The following BAZ1A variants were observed in gnomAD, a reference collection of about 807,000 sequenced individuals.
The protein encoded by BAZ1A is bromodomain adjacent to zinc finger domain 1A, also known as bromodomain adjacent to zinc finger domain protein 1A.
Under a neutral mutation model 185.2 loss-of-function variants are expected in BAZ1A, and 50 were observed. The observed-to-expected ratio is 0.27, with a 90% CI of 0.22 to 0.34. The LOEUF is 0.34. Ranked by LOEUF, BAZ1A falls within the 10% of genes least tolerant of loss-of-function variation. BAZ1A has a pLI of 1.00. For synonymous variants in BAZ1A, 571 were observed against 615.6 expected (o/e 0.93, Z 1.07); for missense variants, 1,356 against 1,839.9 (o/e 0.74, Z 4.81).
intron 7 of BAZ1A, among the ~76,000 whole-genome samples, chr14:34,801,905 CAAA>C (rs375668563): frequency 1.9e-4 from 22 of 113,188 alleles, no homozygotes; most frequent in Admixed American, 5.7e-4. Flanking sequence ...GACTCCATCT[CAAA>C]AAAAAAAAAA....
In BAZ1A at chr14:34,775,955, G is replaced by C; in HGVS notation, c.2797C>G (p.Leu933Val). The C allele has an allele frequency of 6.2e-7, 1 of 1,606,782 alleles. No homozygotes were observed. Among genetic ancestry groups the C allele is most frequent in the East Asian group, 2.2e-5 (1 of 44,742 alleles). The change falls in exon 18 of 27, where the codon CTA becomes GTA. Residue 933 changes from leucine to valine, a missense_variant. Transcript: ENST00000360310. ...AATTTCTCTTCAGAAAAACGGGCTA[G>C]CTGTGCACATATTCTGCTTTTCTCT... ...LQEKSRICAQ[L>V]ARFSEEKFHF...
At chr14:34,794,684 G>T (rs1337936209) in intron 11 of BAZ1A, 65 bp downstream of exon 11, 28 of 1,521,558 alleles carry the variant, frequency 1.8e-5, no homozygotes, top group African/African-American at 2.8e-5. Context: ...AAGGTGGCTT[G>T]TTTTTTTAAA....
At chr14:34,871,759 G>C (rs1323135540) in intron 2 of BAZ1A, among the ~76,000 whole-genome samples, 1 of 152,194 alleles carries the variant, frequency 6.6e-6, no homozygotes, top group African/African-American at 2.4e-5. Flanking sequence ...TGTAATTCCA[G>C]CTACTCGGGA....
At position 34,872,651 on chromosome 14, in the gene BAZ1A, G is replaced by T. The variant is rs1025554735; in HGVS notation, c.113+1841C>A. ...TGGAAGACAGATAGTTCTGGAATGC[G>T]AAAAATCTGTATTTCAGCAATTCAG... On this transcript the variant is annotated intron_variant, in intron 2 of 26. Coordinates refer to ENST00000360310, the MANE Select transcript of BAZ1A (RefSeq NM_013448.3). 2.0e-5 allele frequency among the ~76,000 whole-genome samples: 3 copies of T among 152,020 alleles called. No individual in the cohort carries two copies. The South Asian group carries it at 6.2e-4, about 31-fold the overall frequency.
chr14:34,761,141 G>A (rs1188678333), intron 24 of BAZ1A, among the ~76,000 whole-genome samples: 3 of 152,034 alleles, frequency 2.0e-5, no homozygotes, highest in African/African-American at 7.2e-5. Flanking sequence ...AGCCCGGTGT[G>A]ATGGTGCATA....
chr14:34,798,112 C>T (rs113952098), intron 9 of BAZ1A, among the ~76,000 whole-genome samples: 9,649 of 152,340 alleles, frequency 0.063, 412 homozygotes, highest in Non-Finnish European at 0.098. Context: ...AGTAGCCTGG[C>T]AGGGGGAGGG....
intron 12 of BAZ1A, among the ~76,000 whole-genome samples, chr14:34,790,595 C>T (rs2138628990): frequency 6.6e-6 from 1 of 151,978 alleles, no homozygotes; most frequent in East Asian, 1.9e-4. Flanking sequence ...CTTAAGTGAT[C>T]TGCCCACCTC....
At chr14:34,825,989 T>C in intron 4 of BAZ1A, 24 bp downstream of exon 4, 2 of 1,505,850 alleles carry the variant, frequency 1.3e-6, no homozygotes, top group Admixed American at 5.1e-5. Flanking sequence ...CCAAATAATT[T>C]AAAAATTAAT....
At chr14:34,787,986 C>A (rs1880590792) in intron 12 of BAZ1A, among the ~76,000 whole-genome samples, 1 of 151,890 alleles carries the variant, frequency 6.6e-6, no homozygotes, top group Non-Finnish European at 1.5e-5. Flanking sequence ...TAGTAATGTG[C>A]CATTGAGACA....
At chr14:34,753,762 T>A in intron 26 of BAZ1A, 58 bp from the exon 27 acceptor site, 1 of 1,309,898 alleles carries the variant, frequency 7.6e-7, no homozygotes, top group Non-Finnish European at 1.0e-6. Context: ...ATAATAAATA[T>A]AATTCTTGTA....
At chr14:34,836,485 C>T (rs969608170) in intron 3 of BAZ1A, among the ~76,000 whole-genome samples, 1 of 144,954 alleles carries the variant, frequency 6.9e-6, no homozygotes, top group Non-Finnish European at 1.5e-5. Context: ...AAATAGTTAA[C>T]AGCAAAGGGA....
intron 3 of BAZ1A, among the ~76,000 whole-genome samples, chr14:34,850,164 G>A (rs1335473041): frequency 6.6e-6 from 1 of 152,094 alleles, no homozygotes; most frequent in African/African-American, 2.4e-5. Context: ...CACTGCTTGA[G>A]CCCAGGAGTT....
intron 3 of BAZ1A, among the ~76,000 whole-genome samples, chr14:34,842,746 G>C (rs1329891442): frequency 6.6e-6 from 1 of 152,030 alleles, no homozygotes; most frequent in East Asian, 1.9e-4. Flanking sequence ...ACAGAACAGG[G>C]CTCTGGTTCT....
Position 34,765,202 on chromosome 14 carries a change from GAAGA to G in BAZ1A, c.3364_3367del (p.Ser1122LeufsTer18). 6.2e-7 allele frequency: 1 copy of G among 1,614,110 alleles called. No individual in the cohort carries two copies. The highest frequency in any genetic ancestry group is 8.5e-7 in the Non-Finnish European group (1 of 1,180,008). ...AAGAAAAACTTGGGATAGACTAGCAGAAGAAAGGAGAGACTCTCTCCAACGGTCC... is the reference window on the plus strand; with the variant it reads ...AAGAAAAACTTGGGATAGACTAGCAGAAGGAGAGACTCTCTCCAACGGTCC... On this transcript the variant is annotated frameshift_variant, in exon 22 of 27. Coordinates refer to ENST00000360310, the MANE Select transcript of BAZ1A (RefSeq NM_013448.3). LOFTEE classifies it high-confidence loss of function.
intron 6 of BAZ1A, among the ~76,000 whole-genome samples, 171 bp from the exon 7 acceptor site, chr14:34,803,159 T>C (rs1881661031): frequency 6.6e-6 from 1 of 151,982 alleles, no homozygotes; most frequent in African/African-American, 2.4e-5. Flanking sequence ...GGCGGGCGGA[T>C]CATGAGGTCA....
intron 6 of BAZ1A, among the ~76,000 whole-genome samples, chr14:34,804,216 C>T (rs1881731122): frequency 6.6e-6 from 1 of 152,178 alleles, no homozygotes; most frequent in Non-Finnish European, 1.5e-5. Context: ...CCATGTTGGC[C>T]AGGCTGGTCT....
At chr14:34,868,153 A>G (rs1481859282) in intron 2 of BAZ1A, among the ~76,000 whole-genome samples, 4 of 152,152 alleles carry the variant, frequency 2.6e-5, no homozygotes, top group African/African-American at 9.7e-5. Flanking sequence ...GTTTTTGTAG[A>G]TTTTTTGGGG....
intron 6 of BAZ1A, 79 bp from the exon 7 acceptor site, chr14:34,803,067 G>A: frequency 7.2e-7 from 1 of 1,389,158 alleles, no homozygotes. Flanking sequence ...ATGTCATATG[G>A]CCACTATTAA....
chr14:34,824,765 G>A (rs2042141558), intron 4 of BAZ1A, among the ~76,000 whole-genome samples: 1 of 152,180 alleles, frequency 6.6e-6, no homozygotes, highest in South Asian at 2.1e-4. Flanking sequence ...AAGTAATTAA[G>A]AGAAGTAGGT....
Sources: allele counts gnomAD v4.1 joint callset (sites outside exome capture counted in the v4.1 genomes callset), GRCh38; gene constraint gnomAD v4.1.1; transcripts MANE v1.5; gene names NCBI Gene and HGNC (gene_info 2026-07-23, HGNC 2026-07-21).